The following TRPC7 variants were observed in gnomAD, a reference collection of about 807,000 sequenced individuals.
The protein encoded by TRPC7 is short transient receptor potential channel 7.
In TRPC7, 42 loss-of-function variants were observed where a neutral mutation model predicts 90.1. The observed-to-expected ratio is 0.47, with a 90% CI of 0.36 to 0.60. The LOEUF (loss-of-function observed/expected upper bound fraction) is 0.60, where lower values mean the gene tolerates loss of function less well. Among genes scored for constraint, TRPC7 ranks in the 20% least tolerant of loss-of-function variants. The pLI is 0.00. For missense variants in TRPC7, 955 were observed against 1,112.3 expected (o/e 0.86, Z 2.01); for synonymous variants, 451 against 436.3 (o/e 1.03, Z -0.42).
At chr5:136,308,065 A>C (rs1323547229) in intron 3 of TRPC7, among the ~76,000 whole-genome samples, 1 of 152,180 alleles carries the variant, frequency 6.6e-6, no homozygotes, top group East Asian at 1.9e-4. Context: ...ACACGACACT[A>C]TACTGCTGCC....
chr5:136,359,539 A>G (rs1055849796), intron 1 of TRPC7, among the ~76,000 whole-genome samples: 3 of 152,196 alleles, frequency 2.0e-5, no homozygotes, highest in African/African-American at 7.2e-5. Context: ...CAACAATGCC[A>G]TCATTCCAGA....
chr5:136,237,796 T>G (rs1166851785), intron 7 of TRPC7, among the ~76,000 whole-genome samples: 2 of 152,254 alleles, frequency 1.3e-5, no homozygotes, highest in Admixed American at 1.3e-4. Context: ...GTTCATTTTT[T>G]ACAAAATCTG....
intron 4 of TRPC7, among the ~76,000 whole-genome samples, chr5:136,271,299 T>A (rs1459609435): frequency 6.6e-6 from 1 of 152,216 alleles, no homozygotes. Context: ...TTGGAACAGT[T>A]ATAGTTAACA....
At chr5:136,232,461 C>T (rs1755849236) in intron 7 of TRPC7, among the ~76,000 whole-genome samples, 2 of 152,186 alleles carry the variant, frequency 1.3e-5, no homozygotes, top group African/African-American at 4.8e-5. Flanking sequence ...TAAACTGGGG[C>T]TGAATTATCA....
At chr5:136,251,927 G>A in intron 5 of TRPC7, 45 bp from the exon 6 acceptor site, 5 of 1,542,152 alleles carry the variant, frequency 3.2e-6, no homozygotes, top group Non-Finnish European at 4.5e-6. Flanking sequence ...GTTTCTCTTG[G>A]CATTTGTGAC....
At chr5:136,297,150 T>C (rs1758207435) in intron 3 of TRPC7, among the ~76,000 whole-genome samples, 1 of 152,214 alleles carries the variant, frequency 6.6e-6, no homozygotes, top group Non-Finnish European at 1.5e-5. Context: ...AACCTCCTCC[T>C]GTTCCATGGT....
intron 2 of TRPC7, among the ~76,000 whole-genome samples, chr5:136,324,905 G>T (rs1171790856): frequency 1.3e-5 from 2 of 152,184 alleles, no homozygotes; most frequent in Non-Finnish European, 2.9e-5. Context: ...TTTTAAAAGA[G>T]TGTGGACTTC....
At position 136,305,551 on chromosome 5, in the gene TRPC7, C is replaced by T. The variant is rs1343461047; in HGVS notation, c.963+10046G>A. On this transcript the variant is annotated intron_variant, in intron 3 of 11. Coordinates refer to ENST00000513104, the MANE Select transcript of TRPC7 (RefSeq NM_020389.3). Reference sequence around the variant, plus strand: ...GGCAAATTAGCTTTACTCAACATGCCCCAACTCAGCAAACTAAAATACCTC... The same window carrying T: ...GGCAAATTAGCTTTACTCAACATGCTCCAACTCAGCAAACTAAAATACCTC... 2.0e-5 allele frequency among the ~76,000 whole-genome samples: 3 copies of T among 152,196 alleles called. No homozygotes were observed. In the East Asian group the frequency reaches 5.8e-4, roughly 29 times the overall value.
At chr5:136,353,168 A>T (rs1760255534) in intron 2 of TRPC7, among the ~76,000 whole-genome samples, 1 of 152,208 alleles carries the variant, frequency 6.6e-6, no homozygotes, top group African/African-American at 2.4e-5. Context: ...CACACCAAAA[A>T]TAATGGCTTG....
rs193002521 is a variant in TRPC7, at chr5:136,267,295, C to T, written c.1129-859G>A. Reference sequence around the variant, plus strand: ...GGCTGCACGTTGAGTACTTGCCAACCTCCTGTTAATGAACTCAGTTGGGAC... The same window carrying T: ...GGCTGCACGTTGAGTACTTGCCAACTTCCTGTTAATGAACTCAGTTGGGAC... On this transcript the variant is annotated intron_variant, in intron 4 of 11. Transcript: ENST00000513104. 3.3e-3 allele frequency among the ~76,000 whole-genome samples: 501 copies of T among 152,298 alleles called. 2 individuals are homozygous for T. Among genetic ancestry groups the T allele is most frequent in the Admixed American group, 8.4e-3 (129 of 15,304 alleles).
intron 2 of TRPC7, among the ~76,000 whole-genome samples, chr5:136,325,906 A>G (rs554711820): frequency 1.3e-5 from 2 of 152,048 alleles, no homozygotes; most frequent in Non-Finnish European, 1.5e-5. Context: ...ATCAAAGGCT[A>G]CTCTCCCTAC....
intron 3 of TRPC7, among the ~76,000 whole-genome samples, chr5:136,291,294 C>T (rs370542291): frequency 3.9e-5 from 6 of 152,170 alleles, no homozygotes; most frequent in East Asian, 1.9e-4. Flanking sequence ...CATAACAATA[C>T]TAACCTTAAA....
At chr5:136,265,422 T>C (rs1488250419) in intron 5 of TRPC7, among the ~76,000 whole-genome samples, 1 of 152,194 alleles carries the variant, frequency 6.6e-6, no homozygotes, top group Non-Finnish European at 1.5e-5. Flanking sequence ...ACAGAGTCAC[T>C]GATTTTAGTT....
chr5:136,225,240 C>T (rs1360908531), intron 10 of TRPC7, 34 bp downstream of exon 10: 5 of 1,595,900 alleles, frequency 3.1e-6, no homozygotes, highest in Non-Finnish European at 4.3e-6. Flanking sequence ...TCTACTTCTG[C>T]CCATGCTTGG....
At chr5:136,305,924 T>C (rs868158982) in intron 3 of TRPC7, among the ~76,000 whole-genome samples, 6 of 152,346 alleles carry the variant, frequency 3.9e-5, no homozygotes, top group Admixed American at 1.3e-4. Context: ...GTCAGACCTG[T>C]CCTTGGAATG....
intron 3 of TRPC7, among the ~76,000 whole-genome samples, chr5:136,283,359 G>T (rs946553113): frequency 1.6e-4 from 24 of 152,296 alleles, no homozygotes; most frequent in African/African-American, 5.8e-4. Context: ...CCCCAGAAAT[G>T]CCTGTCTCTT....
chr5:136,293,395 C>G (rs10075677), intron 3 of TRPC7, among the ~76,000 whole-genome samples: 1 of 152,062 alleles, frequency 6.6e-6, no homozygotes, highest in African/African-American at 2.4e-5. Flanking sequence ...AAAACCCCAT[C>G]GTCTGAGCCC....
At position 136,213,046 on chromosome 5, in the gene TRPC7, G is replaced by GTGTT. The variant is rs1248285348; in HGVS notation, c.*385_*388dup. 1.4e-4 allele frequency among the ~76,000 whole-genome samples: 22 copies of GTGTT among 152,308 alleles called. No individual in the cohort carries two copies. Among genetic ancestry groups the GTGTT allele is most frequent in the African/African-American group, 4.8e-4 (20 of 41,570 alleles). ...AGTGAGAAGGAGTTTGTGGGTTGAG[G>GTGTT]TGTTTGTCTTCCCAGGACACAGCCA... On this transcript the variant is annotated 3_prime_UTR_variant, in exon 12 of 12. Coordinates refer to ENST00000513104, the MANE Select transcript of TRPC7 (RefSeq NM_020389.3).
At chr5:136,236,049 G>C (rs1433903245) in intron 7 of TRPC7, among the ~76,000 whole-genome samples, 1 of 152,144 alleles carries the variant, frequency 6.6e-6, no homozygotes, top group Non-Finnish European at 1.5e-5. Flanking sequence ...AGATTAAATG[G>C]GCAACCTATG....
Sources: gnomAD v4.1 joint callset for allele counts (sites outside exome capture counted in the v4.1 genomes callset) on GRCh38, gnomAD v4.1.1 for gene constraint, MANE v1.5 for transcripts, NCBI Gene and HGNC (gene_info 2026-07-23, HGNC 2026-07-21) for gene names.